The following ARID4B variants were observed in gnomAD, a reference collection of about 807,000 sequenced individuals.
ARID4B encodes the protein AT-rich interactive domain-containing protein 4B.
Under a neutral mutation model 147.5 loss-of-function variants are expected in ARID4B, and 26 were observed. The observed-to-expected ratio is 0.18, with a 90% CI of 0.13 to 0.24. The LOEUF (loss-of-function observed/expected upper bound fraction) is 0.24, where lower values mean the gene tolerates loss of function less well. ARID4B is among the 10% of genes least tolerant of loss of function. The pLI, the probability that ARID4B is intolerant of heterozygous loss-of-function variation, is 1.00. For missense variants in ARID4B, 1,179 were observed against 1,511.5 expected (o/e 0.78, Z 3.65); for synonymous variants, 512 against 507.9 (o/e 1.01, Z -0.11).
At chr1:235,254,282 C>T (rs1198787836) in intron 5 of ARID4B, among the ~76,000 whole-genome samples, 3 of 151,950 alleles carry the variant, frequency 2.0e-5, no homozygotes, top group African/African-American at 4.8e-5. Context: ...TCTGAAATCA[C>T]GAAAGACATT....
At position 235,213,921 on chromosome 1, in the gene ARID4B, T is replaced by G; in HGVS notation, c.1689A>C (p.Glu563Asp). Residue 563 changes from glutamate (E) to aspartate (D), a missense_variant, in exon 17 of 24, where the codon GAA becomes GAC. Around this residue, in one of 10 missense-constraint regions of ARID4B, gnomAD observed 204 missense variants for 210.9 expected, o/e 0.97. Transcript: ENST00000264183. ...EDEDDDDNNE[E>D]EEFECYPPGM... ...CTGGTGGATAGCACTCAAACTCCTC[T>G]TCCTCATTGTTGTCATCATCATCTT... is the stretch of plus-strand genomic sequence containing the variant. 1 of 1,613,934 alleles carries G rather than the reference T, an allele frequency of 6.2e-7. No individual in the cohort carries two copies. Among genetic ancestry groups the G allele is most frequent in the Middle Eastern group, 1.6e-4 (1 of 6,062 alleles).
intron 17 of ARID4B, among the ~76,000 whole-genome samples, chr1:235,207,238 G>A (rs1464586955): frequency 6.6e-6 from 1 of 152,200 alleles, no homozygotes; most frequent in African/African-American, 2.4e-5. Flanking sequence ...GAAGACATAA[G>A]CAGCAGTATG....
intron 8 of ARID4B, among the ~76,000 whole-genome samples, chr1:235,235,995 G>A (rs1218238874): frequency 2.7e-5 from 4 of 148,568 alleles, no homozygotes; most frequent in Admixed American, 2.0e-4. Context: ...GCGTGATCAC[G>A]ACTCAATGCA....
chr1:235,182,099 C>T lies in ARID4B; in HGVS notation c.2820G>A (p.Leu940=), dbSNP rs1423139922. 6.2e-7 allele frequency: 1 copy of T among 1,614,170 alleles called. No homozygotes were observed. Among genetic ancestry groups the T allele is most frequent in the Non-Finnish European group, 8.5e-7 (1 of 1,180,042 alleles). ...SIQGQWPKKT[L]KELFSDSDTE... ...TATCAGAGTCTGAAAAAAGCTCTTT[C>T]AGCGTTTTTTTAGGCCACTGTCCCT... Residue 940 remains leucine (L), a synonymous_variant, in exon 20 of 24, where the codon CTG becomes CTA. Transcript: ENST00000264183.
chr1:235,264,616 G>C (rs1051081452), intron 2 of ARID4B, among the ~76,000 whole-genome samples: 4 of 152,152 alleles, frequency 2.6e-5, no homozygotes, highest in African/African-American at 9.7e-5. Context: ...GTCAATATTA[G>C]AAAGCACTCC....
chr1:235,206,485 T>C (rs1019759756), intron 17 of ARID4B, among the ~76,000 whole-genome samples: 3 of 151,452 alleles, frequency 2.0e-5, no homozygotes, highest in East Asian at 1.9e-4. Flanking sequence ...AAATGTTAAA[T>C]GGATATCAGA....
Position 235,311,540 on chromosome 1 carries a change from G to A in ARID4B, c.6+15374C>T, listed in dbSNP as rs573144837. ...GCTCACACCTGTACTTTGGGAGGTC[G>A]AGGCAGGCAGATCACTTGAGGTCAG... is the stretch of plus-strand genomic sequence containing the variant. On this transcript the variant is annotated intron_variant, in intron 2 of 23. Transcript: ENST00000264183. 3.3e-5 allele frequency among the ~76,000 whole-genome samples: 5 copies of A among 152,090 alleles called. No homozygotes were observed. In the South Asian group the frequency reaches 1.0e-3, roughly 32 times the overall value.
intron 20 of ARID4B, among the ~76,000 whole-genome samples, chr1:235,178,358 T>C (rs932593888): frequency 6.6e-6 from 1 of 152,174 alleles, no homozygotes; most frequent in Admixed American, 6.5e-5. Context: ...ATGATATAAA[T>C]GAGGTAAATT....
chr1:235,263,038 G>A (rs1183711287), intron 2 of ARID4B, among the ~76,000 whole-genome samples: 1 of 152,096 alleles, frequency 6.6e-6, no homozygotes, highest in East Asian at 1.9e-4. Flanking sequence ...TTGGTACTGG[G>A]TATTACTGCT....
At chr1:235,287,119 C>T (rs545804761) in intron 2 of ARID4B, among the ~76,000 whole-genome samples, 18 of 152,114 alleles carry the variant, frequency 1.2e-4, no homozygotes, top group East Asian at 7.7e-4. Flanking sequence ...ATTAGCCGGG[C>T]GTGGTGGCAG....
intron 2 of ARID4B, among the ~76,000 whole-genome samples, chr1:235,297,198 C>T (rs971272359): frequency 6.6e-6 from 1 of 152,060 alleles, no homozygotes; most frequent in Non-Finnish European, 1.5e-5. Context: ...GGGGTTCCAA[C>T]TGGCCAAAGA....
At chr1:235,220,976 TA>T (rs915438003) in intron 14 of ARID4B, among the ~76,000 whole-genome samples, 16 of 152,184 alleles carry the variant, frequency 1.1e-4, no homozygotes, top group African/African-American at 3.6e-4. Flanking sequence ...CAGCTCACTA[TA>T]ACCTCCGCCT....
At position 235,182,250 on chromosome 1, in the gene ARID4B, C is replaced by T. The variant is rs369668434; in HGVS notation, c.2669G>A (p.Arg890Gln). The T allele has an allele frequency of 3.7e-6, 6 of 1,612,684 alleles. No individual in the cohort carries two copies. The highest frequency in any genetic ancestry group is 1.1e-5 in the South Asian group (1 of 90,676). Residue 890 changes from arginine to glutamine, a missense_variant, in exon 20 of 24, where the codon CGG (arginine) becomes CAG (glutamine). Around this residue, in one of 10 missense-constraint regions of ARID4B, gnomAD observed 321 missense variants for 342.4 expected, o/e 0.94. Transcript: ENST00000264183. ...NGLEEKRKSL[R>Q]TTGFYSGFSE... ...AAATCCTGAATAGAAACCAGTTGTCCGTAGAGATTTTCTTTTTTCCTCCAA... is the reference window on the plus strand; with the variant it reads ...AAATCCTGAATAGAAACCAGTTGTCTGTAGAGATTTTCTTTTTTCCTCCAA...
intron 17 of ARID4B, among the ~76,000 whole-genome samples, chr1:235,203,473 G>A (rs1391692331): frequency 1.2e-4 from 19 of 152,162 alleles, no homozygotes; most frequent in African/African-American, 4.6e-4. Flanking sequence ...AAATAACTTC[G>A]TAAGTAAAAT....
chr1:235,180,937 C>T (rs897682808), intron 20 of ARID4B: 3 of 192,500 alleles, frequency 1.6e-5, no homozygotes, highest in African/African-American at 7.1e-5. Context: ...GGGAAGGTAC[C>T]GATTTGAATT....
At chr1:235,245,711 T>G (rs1312316990) in intron 7 of ARID4B, among the ~76,000 whole-genome samples, 1 of 152,208 alleles carries the variant, frequency 6.6e-6, no homozygotes, top group East Asian at 1.9e-4. Flanking sequence ...AAATTTTTCA[T>G]GTCAGTATAT....
At chr1:235,195,323 T>G (rs904488468) in intron 18 of ARID4B, among the ~76,000 whole-genome samples, 4 of 152,198 alleles carry the variant, frequency 2.6e-5, no homozygotes, top group Non-Finnish European at 5.9e-5. Flanking sequence ...CTGGGCGTGG[T>G]GGCTCACACC....
intron 9 of ARID4B, among the ~76,000 whole-genome samples, chr1:235,234,154 G>A (rs1668414107): frequency 6.6e-6 from 1 of 152,178 alleles, no homozygotes; most frequent in Non-Finnish European, 1.5e-5. Context: ...CAGCTATTAT[G>A]TGGACAAGTG....
At chr1:235,311,217 G>GAAAAAA (rs1417629492) in intron 2 of ARID4B, among the ~76,000 whole-genome samples, 1 of 151,824 alleles carries the variant, frequency 6.6e-6, no homozygotes, top group Non-Finnish European at 1.5e-5. Flanking sequence ...TCAACCTATG[G>GAAAAAA]TGACCCACAC....
Sources: gnomAD v4.1 joint callset for allele counts (sites outside exome capture counted in the v4.1 genomes callset) on GRCh38, gnomAD v4.1.1 for gene constraint, gnomAD v4.1.1 regional missense constraint, MANE v1.5 for transcripts, NCBI Gene and HGNC (gene_info 2026-07-23, HGNC 2026-07-21) for gene names.